The following ABCB9 variants were observed in gnomAD, a reference collection of about 807,000 sequenced individuals.
ABCB9 encodes the protein ABC-type oligopeptide transporter ABCB9.
In ABCB9, 36 loss-of-function variants were observed where a neutral mutation model predicts 62.0. The observed-to-expected ratio is 0.58, with a 90% confidence interval of 0.45 to 0.77. ABCB9 has a LOEUF of 0.77. Among genes scored for constraint, ABCB9 ranks in the 30% least tolerant of loss-of-function variants. The probability of loss-of-function intolerance (pLI) is 0.00; values close to 1 mark genes in which losing one functional copy is unlikely to be tolerated. For synonymous variants in ABCB9, 435 were observed against 461.4 expected, an observed-to-expected ratio of 0.94 and a Z score of 0.73; for missense variants, 943 against 1,054.7, an observed-to-expected ratio of 0.89 and a Z score of 1.47.
intron 2 of ABCB9, among the ~76,000 whole-genome samples, chr12:122,953,797 C>T (rs2036483844): frequency 6.6e-6 from 1 of 152,118 alleles, no homozygotes; most frequent in Admixed American, 6.5e-5. Flanking sequence ...GCTGGGATTA[C>T]AGGTGTGAGC....
chr12:122,930,368 C>CTCTACCCTG lies in ABCB9; in HGVS notation c.2041-206_2041-198dup, dbSNP rs2035089899. Among the ~76,000 whole-genome samples the CTCTACCCTG allele has an allele frequency of 6.6e-6, 1 of 151,756 alleles. No individual in the cohort carries two copies. Among genetic ancestry groups the CTCTACCCTG allele is most frequent in the Non-Finnish European group, 1.5e-5 (1 of 67,956 alleles). On this transcript the variant is annotated intron_variant, in intron 11 of 11. Transcript: ENST00000280560. The surrounding 1 kb of genome is among the most constrained non-coding windows in gnomAD (Gnocchi z 4.9). ...AGGCACCTGGTGAATGGGGGATCAGCTCTACCCTGGCCCTCCAGTCTTCTG... is the reference window on the plus strand; with the variant it reads ...AGGCACCTGGTGAATGGGGGATCAGCTCTACCCTGTCTACCCTGGCCCTCCAGTCTTCTG...
At chr12:122,937,262 G>C (rs1418030973) in intron 9 of ABCB9, among the ~76,000 whole-genome samples, 1 of 151,848 alleles carries the variant, frequency 6.6e-6, no homozygotes, top group East Asian at 1.9e-4. Context: ...GGGAAGCTGA[G>C]GCAGGAGAAT....
rs761110229 is a variant in ABCB9 at position 122,940,969 on chromosome 12, C to G, written c.1407G>C (p.Leu469=). 6.2e-7 allele frequency: 1 copy of G among 1,611,520 alleles called. No individual in the cohort carries two copies. The highest frequency in any genetic ancestry group is 8.5e-7 in the Non-Finnish European group (1 of 1,178,504). The change falls in exon 8 of 12, where the codon CTG becomes CTC. Residue 469 remains leucine (L), a synonymous_variant. Coordinates refer to ENST00000280560, the MANE Select transcript of ABCB9 (RefSeq NM_019625.4). The surrounding 1 kb of genome is among the most constrained non-coding windows in gnomAD (Gnocchi z 4.8). ...MESVGSVYSG[L]MQGVGAAEKV... is the part of the protein sequence containing the mutation. ...TCTCAGCAGCCCCCACTCCCTGCAT[C>G]AGGCCACTGTAGACGGAGCCCACGG...
At chr12:122,923,135 C>T (rs1388499750) in intron 11 of ABCB9, among the ~76,000 whole-genome samples, 1 of 152,036 alleles carries the variant, frequency 6.6e-6, no homozygotes, top group African/African-American at 2.4e-5. Flanking sequence ...CAGGGTCTCA[C>T]TCTGTCGCCC....
intron 6 of ABCB9, among the ~76,000 whole-genome samples, chr12:122,945,008 C>T (rs1009698636): frequency 3.9e-5 from 6 of 152,204 alleles, no homozygotes; most frequent in African/African-American, 1.4e-4. Context: ...TCTGAGTACC[C>T]ATGGCAGCCC....
rs749609105 is a variant in ABCB9, at chr12:122,930,168, G to T, written c.2044C>A (p.Gln682Lys). 1 of 1,544,312 alleles carries T rather than the reference G, an allele frequency of 6.5e-7. No homozygotes were observed. Among genetic ancestry groups the T allele is most frequent in the South Asian group, 1.2e-5 (1 of 83,678 alleles). ...ALDAESEYLI[Q>K]QAIHGNLQKH... ...TGCAGGTTGCCATGGATGGCCTGCTGGATCTGCGGGGACAGTGGGGGCCTG... is the reference window on the plus strand; with the variant it reads ...TGCAGGTTGCCATGGATGGCCTGCTTGATCTGCGGGGACAGTGGGGGCCTG... The change falls in exon 12 of 12, where the codon CAG (glutamine) becomes AAG (lysine). Residue 682 changes from glutamine (Q) to lysine (K), a missense_variant. Transcript: ENST00000280560. This position sits in a 1 kb window ranked among gnomAD's most constrained non-coding sequence, Gnocchi z 4.9.
chr12:122,938,109 T>C (rs1247369069), intron 9 of ABCB9, among the ~76,000 whole-genome samples: 3 of 152,222 alleles, frequency 2.0e-5, no homozygotes, highest in Admixed American at 2.0e-4. Flanking sequence ...ACATCCACTA[T>C]CACCAAGCTT....
At chr12:122,941,868 G>T (rs555221191) in intron 7 of ABCB9, among the ~76,000 whole-genome samples, 3 of 151,972 alleles carry the variant, frequency 2.0e-5, no homozygotes, top group African/African-American at 7.2e-5. Context: ...GGGACCACAG[G>T]CATGAGCCAC....
chr12:122,928,851 G>C (rs1436419491), downstream of ABCB9: 1 of 223,950 alleles, frequency 4.5e-6, no homozygotes, highest in Admixed American at 6.5e-5. Context: ...AGTGCAGATG[G>C]GGCTCCCAGA....
rs1474133266 is a variant in ABCB9, at chr12:122,947,259, G to A, written c.1054-1037C>T. On this transcript the variant is annotated intron_variant, in intron 5 of 11. Coordinates refer to ENST00000280560, the MANE Select transcript of ABCB9 (RefSeq NM_019625.4). The surrounding 1 kb of genome is among the most constrained non-coding windows in gnomAD (Gnocchi z 6.0). The stretch of plus-strand genomic sequence containing the variant: ...GGGTGGGGAGCAGCGTGCCAGAAAT[G>A]GCTCAGACTCTAAAGAATAGATTTA... 6.6e-6 allele frequency among the ~76,000 whole-genome samples: 1 copy of A among 152,200 alleles called. No homozygotes were observed. The highest frequency in any genetic ancestry group is 1.5e-5 in the Non-Finnish European group (1 of 68,032).
At chr12:122,957,166 G>A (rs2036645448) in intron 2 of ABCB9, among the ~76,000 whole-genome samples, 1 of 151,782 alleles carries the variant, frequency 6.6e-6, no homozygotes, top group Non-Finnish European at 1.5e-5. Context: ...TTAGCCTCCT[G>A]AGTAGCTGGG....
At chr12:122,946,480 C>T (rs2036053014) in intron 5 of ABCB9, 5 of 530,574 alleles carry the variant, frequency 9.4e-6, no homozygotes, top group South Asian at 2.1e-5. Context: ...CGGTGCTGAT[C>T]GTTAAGTCAT....
intron 1 of ABCB9, among the ~76,000 whole-genome samples, chr12:122,962,364 T>TC (rs2036947812): frequency 6.6e-6 from 1 of 151,992 alleles, no homozygotes; most frequent in Non-Finnish European, 1.5e-5. Flanking sequence ...GGGCTCTAGA[T>TC]CCCCCAAGAG....
intron 5 of ABCB9, chr12:122,946,541 T>C: frequency 2.7e-6 from 1 of 366,642 alleles, no homozygotes; most frequent in Non-Finnish European, 5.1e-6. Context: ...TTGGTAATCC[T>C]TTCAGAAAAG....
Position 122,944,276 on chromosome 12 carries a change from T to G in ABCB9, c.1380+115A>C. On this transcript the variant is annotated intron_variant, in intron 7 of 11. Transcript: ENST00000280560. This position sits in a 1 kb window ranked among gnomAD's most constrained non-coding sequence, Gnocchi z 4.9. ...ATCATGCTGTCTCCCCTACTTACCT[T>G]AGAGAGAAATACCACATTGTCAGAG... is the stretch of plus-strand genomic sequence containing the variant. 1 of 1,443,866 alleles carries G rather than the reference T, an allele frequency of 6.9e-7. No individual in the cohort carries two copies. The highest frequency in any genetic ancestry group is 1.3e-5 in the South Asian group (1 of 76,102). The allele number at this position is 1,443,866 out of a possible 1,614,324, so 89.4% of individuals were successfully genotyped here. A position where few individuals can be genotyped will look rare whatever the true frequency, so the allele number is the denominator to read the frequency against.
upstream of ABCB9, among the ~76,000 whole-genome samples, chr12:122,966,676 A>C (rs887621203): frequency 2.0e-5 from 3 of 152,194 alleles, no homozygotes; most frequent in African/African-American, 7.2e-5. Context: ...ACAGCTGGCC[A>C]CCTGCTCACC....
intron 9 of ABCB9, among the ~76,000 whole-genome samples, chr12:122,938,446 G>A (rs1025289270): frequency 6.6e-6 from 1 of 152,136 alleles, no homozygotes; most frequent in Non-Finnish European, 1.5e-5. Flanking sequence ...GTGGGAGGAT[G>A]ACTTGAGCAC....
chr12:122,944,342 C>A lies in ABCB9; in HGVS notation c.1380+49G>T. On this transcript the variant is annotated intron_variant, in intron 7 of 11. Coordinates refer to ENST00000280560, the MANE Select transcript of ABCB9 (RefSeq NM_019625.4). The surrounding 1 kb of genome is among the most constrained non-coding windows in gnomAD (Gnocchi z 4.9). ...CCCCACCCTGTTAAGATCCCTCTTC[C>A]CCAAACTCCTCCCTTCTCTCTGGAT... 1 of 1,568,314 alleles carries A rather than the reference C, an allele frequency of 6.4e-7. No individual in the cohort carries two copies. Among genetic ancestry groups the A allele is most frequent in the Non-Finnish European group, 8.7e-7 (1 of 1,151,068 alleles).
rs926179494 is a variant in ABCB9 at position 122,954,272 on chromosome 12, G to A, written c.602-3707C>T. Among the ~76,000 whole-genome samples, 6 of 151,916 alleles carry A rather than the reference G, an allele frequency of 3.9e-5. No individual in the cohort carries two copies. In the East Asian group the frequency reaches 5.8e-4, roughly 15 times the overall value. On this transcript the variant is annotated intron_variant, in intron 2 of 11. Transcript: ENST00000280560. ...TGCCCAGGCTGCGATGCAATGGTGC[G>A]ATCTCCACTCACAGCAACCTCTGCC...
Sources: allele counts gnomAD v4.1 joint callset (sites outside exome capture counted in the v4.1 genomes callset), GRCh38; gene constraint gnomAD v4.1.1; non-coding constraint Gnocchi (gnomAD v3.1); transcripts MANE v1.5; gene names NCBI Gene and HGNC (gene_info 2026-07-23, HGNC 2026-07-21).